Variants in ZNF696 observed in about 807,000 individuals in gnomAD.
ZNF696 encodes the protein zinc finger protein 696.
A neutral mutation model predicts 12.3 loss-of-function variants in ZNF696; 10 were observed. That is an observed-to-expected ratio of 0.81 (90% CI 0.50 to 1.38). The LOEUF is 1.38. Among genes scored for constraint, ZNF696 ranks in the 40% most tolerant of loss-of-function variants. The pLI is 0.00. For missense variants in ZNF696, 675 were observed against 554.7 expected (o/e 1.22, Z -2.18); for synonymous variants, 304 against 243.9 (o/e 1.25, Z -2.29).
In ZNF696 at chr8:143,291,438, C is replaced by A; in HGVS notation, c.-360C>A. The A allele has an allele frequency of 3.0e-6, 3 of 985,674 alleles. No individual in the cohort carries two copies. Among genetic ancestry groups the A allele is most frequent in the Non-Finnish European group, 3.6e-6 (3 of 830,072 alleles). The allele number at this position is 985,674 out of a possible 1,614,324, so 61.1% of individuals were successfully genotyped here. ...GACCGTAGCGGGTGCAGTCCAGCTG[C>A]TCTGGACGCTGAGGCCCCGGCTTCT... On this transcript the variant is annotated 5_prime_UTR_variant, in exon 1 of 3. Coordinates refer to ENST00000330143, the MANE Select transcript of ZNF696 (RefSeq NM_030895.3).
rs1815759517 is a variant in ZNF696 at position 143,298,819 on chromosome 8, G to T, written c.*2019G>T. 6.6e-6 allele frequency among the ~76,000 whole-genome samples: 1 copy of T among 152,202 alleles called. No individual in the cohort carries two copies. The highest frequency in any genetic ancestry group is 2.4e-5 in the African/African-American group (1 of 41,442). On this transcript the variant is annotated 3_prime_UTR_variant, in exon 3 of 3. Transcript: ENST00000330143. ...CATGCCTATAATCCCAACACTTTGG[G>T]AGGCCTAAGGGGGAGGATCACTTGA...
chr8:143,295,239 G>A, intron 2 of ZNF696: 1 of 425,630 alleles, frequency 2.3e-6, no homozygotes, highest in East Asian at 7.0e-5. Flanking sequence ...GTCCCGCAGA[G>A]TAAGGCAGTG....
rs142845013 is a variant in ZNF696 at position 143,299,647 on chromosome 8, A to C, written c.*2847A>C. Among the ~76,000 whole-genome samples, 153 of 152,248 alleles carry C rather than the reference A, an allele frequency of 1.0e-3. 2 individuals carry two copies. The East Asian group carries it at 0.02, about 19-fold the overall frequency. ...AAATAAATAAATGAACTGAACACAA[A>C]CTTCTGTCAATTAAAAAATAAGAAC... On this transcript the variant is annotated 3_prime_UTR_variant, in exon 3 of 3. Transcript: ENST00000330143.
Position 143,295,809 on chromosome 8 carries a change from G to A in ZNF696, c.134G>A (p.Ser45Asn). ...TCAGCCGAGGTGCAGGCAGCTCAGA[G>A]CACGGAGCCTGCCGCAGAGGCAGGC... Reference protein sequence around the residue: ...SRSAEVQAAQSTEPAAEAGAP... With the variant: ...SRSAEVQAAQNTEPAAEAGAP... Residue 45 changes from serine to asparagine, a missense_variant, in exon 3 of 3, where the codon AGC becomes AAC. Transcript: ENST00000330143. The A allele has an allele frequency of 6.2e-7, 1 of 1,601,250 alleles. No individual in the cohort carries two copies. Among genetic ancestry groups the A allele is most frequent in the Non-Finnish European group, 8.5e-7 (1 of 1,175,132 alleles).
chr8:143,295,689 G>A, intron 2 of ZNF696, 51 bp from the exon 3 acceptor site: 1 of 1,484,292 alleles, frequency 6.7e-7, no homozygotes, highest in Non-Finnish European at 9.0e-7. Context: ...AGCCACCCTC[G>A]ACTCACGTTC....
Position 143,296,293 on chromosome 8 carries a change from G to C in ZNF696, c.618G>C (p.Glu206Asp). 1 of 1,599,112 alleles carries C rather than the reference G, an allele frequency of 6.3e-7. No homozygotes were observed. The highest frequency in any genetic ancestry group is 8.5e-7 in the Non-Finnish European group (1 of 1,176,246). Reference sequence around the variant, plus strand: ...GGCACCAGCGCGTGCACACGGGCGAGAAGCCCTACGCGTGCGCCGACTGCG... The same window carrying C: ...GGCACCAGCGCGTGCACACGGGCGACAAGCCCTACGCGTGCGCCGACTGCG... ...LLRHQRVHTGEKPYACADCGK... is the reference protein window; with the variant it reads ...LLRHQRVHTGDKPYACADCGK... Residue 206 changes from glutamate to aspartate, a missense_variant, in exon 3 of 3, where the codon GAG (glutamate) becomes GAC (aspartate). Transcript: ENST00000330143.
chr8:143,296,596 C>A lies in ZNF696; in HGVS notation c.921C>A (p.Phe307Leu). The A allele has an allele frequency of 2.5e-6, 4 of 1,587,970 alleles. No homozygotes were observed. The South Asian group carries it at 3.3e-5, about 13-fold the overall frequency. ...DCGRAFSRSS[F>L]LREHRRIHTG... ...GCCGCGCCTTCAGCCGCAGCTCCTTCCTCCGCGAGCACCGCCGCATCCACA... is the reference window on the plus strand; with the variant it reads ...GCCGCGCCTTCAGCCGCAGCTCCTTACTCCGCGAGCACCGCCGCATCCACA... Residue 307 changes from phenylalanine to leucine, a missense_variant, in exon 3 of 3, where the codon TTC becomes TTA. Physicochemically the swap from Phe to Leu is conservative, Grantham distance 22 (BLOSUM62 0). Transcript: ENST00000330143.
intron 1 of ZNF696, chr8:143,292,429 C>T (rs188503284): frequency 1.4e-5 from 2 of 138,494 alleles, no homozygotes; most frequent in East Asian, 2.4e-4. Flanking sequence ...GCACGTATTC[C>T]TCCCTTTTTG....
rs756443650 is a variant in ZNF696 at position 143,296,764 on chromosome 8, C to G, written c.1089C>G (p.His363Gln). Reference sequence around the variant, plus strand: ...GCCGCGCCTTCCGCCTGAGCTTCCACCTCATCCAGCACCGGCGGGTGCATG... The same window carrying G: ...GCCGCGCCTTCCGCCTGAGCTTCCAGCTCATCCAGCACCGGCGGGTGCATG... ...ECGRAFRLSF[H>Q]LIQHRRVHGA... The change falls in exon 3 of 3, where the codon CAC (histidine) becomes CAG (glutamine). Residue 363 changes from histidine (H) to glutamine (Q), a missense_variant. His to Gln is a conservative substitution (Grantham distance 24). Transcript: ENST00000330143. The G allele has an allele frequency of 1.4e-6, 2 of 1,460,750 alleles. No homozygotes were observed. Among genetic ancestry groups the G allele is most frequent in the Non-Finnish European group, 1.8e-6 (2 of 1,115,410 alleles). 90.5% of individuals were successfully genotyped at this position (1,460,750 alleles called of 1,614,324 possible). A position where few individuals can be genotyped will look rare whatever the true frequency, so the allele number is the denominator to read the frequency against.
At position 143,297,835 on chromosome 8, in the gene ZNF696, T is replaced by C. The variant is rs552462188; in HGVS notation, c.*1035T>C. The C allele has an allele frequency of 4.0e-5, 6 of 151,860 alleles. No individual in the cohort carries two copies. Among genetic ancestry groups the C allele is most frequent in the African/African-American group, 1.5e-4 (6 of 41,372 alleles). The allele number at this position is 151,860 out of a possible 1,614,324, so 9.4% of individuals were successfully genotyped here. A position where few individuals can be genotyped will look rare whatever the true frequency, so the allele number is the denominator to read the frequency against. Reference sequence around the variant, plus strand: ...CATCGCGTTGGTGTCTGAGAGGGAGTTGGAGAGCTGGTTGGTGTGGAGGGA... The same window carrying C: ...CATCGCGTTGGTGTCTGAGAGGGAGCTGGAGAGCTGGTTGGTGTGGAGGGA... On this transcript the variant is annotated 3_prime_UTR_variant, in exon 3 of 3. Transcript: ENST00000330143.
intron 1 of ZNF696, chr8:143,292,121 C>CTAATTTTT: frequency 6.6e-6 from 1 of 151,570 alleles, no homozygotes; most frequent in East Asian, 1.9e-4. Flanking sequence ...TCACACCTGG[C>CTAATTTTT]TAATTTTTTG....
At chr8:143,293,105 G>A in intron 2 of ZNF696, 40 bp downstream of exon 2, 1 of 1,551,754 alleles carries the variant, frequency 6.4e-7, no homozygotes, top group Non-Finnish European at 8.9e-7. Context: ...GAGTTCCAGG[G>A]CAGGAATTGA....
rs774563637 is a variant in ZNF696, at chr8:143,296,648, C to T, written c.973C>T (p.His325Tyr). ...HTGEKPHQCGHCGRAFRALSG... is the reference protein window; with the variant it reads ...HTGEKPHQCGYCGRAFRALSG... Reference sequence around the variant, plus strand: ...CGGGGAGAAGCCCCACCAGTGCGGCCACTGCGGGCGCGCGTTCCGGGCGCT... The same window carrying T: ...CGGGGAGAAGCCCCACCAGTGCGGCTACTGCGGGCGCGCGTTCCGGGCGCT... Residue 325 changes from histidine (H) to tyrosine (Y), a missense_variant, in exon 3 of 3, where the codon CAC (histidine) becomes TAC (tyrosine). By Grantham distance (83) the His-to-Tyr change is moderately conservative. Transcript: ENST00000330143. 27 of 1,579,982 alleles carry T rather than the reference C, an allele frequency of 1.7e-5. No individual in the cohort carries two copies. The South Asian group carries it at 1.9e-4, about 11-fold the overall frequency.
At position 143,291,452 on chromosome 8, in the gene ZNF696, G is replaced by A; in HGVS notation, c.-346G>A. ...CAGTCCAGCTGCTCTGGACGCTGAGGCCCCGGCTTCTCTTGCTGGGGTGTC... is the reference window on the plus strand; with the variant it reads ...CAGTCCAGCTGCTCTGGACGCTGAGACCCCGGCTTCTCTTGCTGGGGTGTC... On this transcript the variant is annotated 5_prime_UTR_variant, in exon 1 of 3. Coordinates refer to ENST00000330143, the MANE Select transcript of ZNF696 (RefSeq NM_030895.3). 2.0e-6 allele frequency: 2 copies of A among 985,480 alleles called. No homozygotes were observed. Among genetic ancestry groups the A allele is most frequent in the Non-Finnish European group, 2.4e-6 (2 of 829,926 alleles). 61.0% of individuals were successfully genotyped at this position (985,480 alleles called of 1,614,324 possible). A position where few individuals can be genotyped will look rare whatever the true frequency, so the allele number is the denominator to read the frequency against.
chr8:143,295,067 G>C (rs1815684911), intron 2 of ZNF696, among the ~76,000 whole-genome samples: 1 of 148,794 alleles, frequency 6.7e-6, no homozygotes, highest in South Asian at 2.3e-4. Context: ...GGGTGATAGA[G>C]CAAGACCCTG....
chr8:143,296,052 C>A lies in ZNF696; in HGVS notation c.377C>A (p.Pro126Gln), dbSNP rs780616301. Residue 126 changes from proline to glutamine, a missense_variant, in exon 3 of 3, where the codon CCG becomes CAG. Pro to Gln is a moderately conservative substitution (Grantham distance 76, BLOSUM62 -1). Coordinates refer to ENST00000330143, the MANE Select transcript of ZNF696 (RefSeq NM_030895.3). ...GGCAGCTGGAAGGGGCGGCCTTTCC[C>A]GTGCGGCGCCTGTGGCCGCAGCTTC... ...GGGSWKGRPF[P>Q]CGACGRSFKC... 1 of 1,591,394 alleles carries A rather than the reference C, an allele frequency of 6.3e-7. No homozygotes were observed. The highest frequency in any genetic ancestry group is 2.3e-5 in the East Asian group (1 of 44,042).
chr8:143,292,227 G>A (rs1815636050), intron 1 of ZNF696: 1 of 152,336 alleles, frequency 6.6e-6, no homozygotes, highest in Admixed American at 6.5e-5. Context: ...TGAAGTGCTA[G>A]GATTACAACT....
In ZNF696 at chr8:143,296,920, C is replaced by T. The variant is rs1377540522; in HGVS notation, c.*120C>T. The T allele has an allele frequency of 5.8e-6, 6 of 1,038,360 alleles. No homozygotes were observed. Among genetic ancestry groups the T allele is most frequent in the Admixed American group, 4.2e-5 (1 of 24,050 alleles). 64.3% of individuals were successfully genotyped at this position (1,038,360 alleles called of 1,614,324 possible). On this transcript the variant is annotated 3_prime_UTR_variant, in exon 3 of 3. Transcript: ENST00000330143. ...AACAGCCGGCTGCGCGCCTGGTTCTCGGGTTGCGAAAGCCTCGCCAGGCCT... is the reference window on the plus strand; with the variant it reads ...AACAGCCGGCTGCGCGCCTGGTTCTTGGGTTGCGAAAGCCTCGCCAGGCCT...
chr8:143,296,948 A>G lies in ZNF696; in HGVS notation c.*148A>G, dbSNP rs1290776811. The G allele has an allele frequency of 1.3e-6, 1 of 748,776 alleles. No homozygotes were observed. Among genetic ancestry groups the G allele is most frequent in the Non-Finnish European group, 1.9e-6 (1 of 517,462 alleles). The allele number at this position is 748,776 out of a possible 1,614,324, so 46.4% of individuals were successfully genotyped here. A position where few individuals can be genotyped will look rare whatever the true frequency, so the allele number is the denominator to read the frequency against. On this transcript the variant is annotated 3_prime_UTR_variant, in exon 3 of 3. Coordinates refer to ENST00000330143, the MANE Select transcript of ZNF696 (RefSeq NM_030895.3). ...GTTGCGAAAGCCTCGCCAGGCCTGCATCCGCCTTGGCTTGGGAGCAATCAG... is the reference window on the plus strand; with the variant it reads ...GTTGCGAAAGCCTCGCCAGGCCTGCGTCCGCCTTGGCTTGGGAGCAATCAG...
Sources: gnomAD v4.1 joint callset for allele counts (sites outside exome capture counted in the v4.1 genomes callset) on GRCh38, gnomAD v4.1.1 for gene constraint, MANE v1.5 for transcripts, NCBI Gene and HGNC (gene_info 2026-07-23, HGNC 2026-07-21) for gene names.